Variants in NBPF9 observed in about 807,000 individuals in gnomAD.
NBPF9 encodes the protein NBPF family member NBPF9.
Under a neutral mutation model 97.8 loss-of-function variants are expected in NBPF9, and 91 were observed. The ratio of observed to expected loss-of-function variants is 0.93; its 90% CI spans 0.79 to 1.11. The LOEUF is 1.11. NBPF9 is among the 50% of genes least tolerant of loss of function. The pLI is 0.00. For synonymous variants in NBPF9, 334 were observed against 359.5 expected (o/e 0.93, Z 0.80); for missense variants, 992 against 939.5 (o/e 1.06, Z -0.73).
chr1:149,082,131 T>C, exon 7 of NBPF9: 4 of 1,611,984 alleles, frequency 2.5e-6, no homozygotes, highest in South Asian at 1.1e-5. Context: ...GGCCGGCTGA[T>C]ACCACCATGC....
At chr1:149,055,273 C>T (rs1344283573) in exon 30 of NBPF9, 3 of 353,438 alleles carry the variant, frequency 8.5e-6, no homozygotes, top group Non-Finnish European at 1.6e-5. Flanking sequence ...TCATTGAAAC[C>T]AGGGTAACAC....
chr1:149,070,722 G>A (rs1232617841), intron 16 of NBPF9, among the ~76,000 whole-genome samples: 30 of 152,076 alleles, frequency 2.0e-4, no homozygotes, highest in Non-Finnish European at 7.4e-5. Flanking sequence ...CTATGAGATT[G>A]TCACACTTGC....
chr1:149,075,471 A>G (rs1286567374), intron 12 of NBPF9, among the ~76,000 whole-genome samples, 184 bp downstream of exon 12: 2 of 152,200 alleles, frequency 1.3e-5, no homozygotes, highest in African/African-American at 4.8e-5. Context: ...GCAAACATGG[A>G]AAGTTGCTAA....
intron 5 of NBPF9, among the ~76,000 whole-genome samples, chr1:149,084,329 CAT>C (rs1207999799): frequency 1.4e-4 from 20 of 145,782 alleles, no homozygotes; most frequent in African/African-American, 3.5e-4. Context: ...TATACACACA[CAT>C]GAATATATAT....
In NBPF9 at chr1:149,072,702, C is replaced by A; in HGVS notation, c.1306+16G>T. ...AGCCTGGGGTTTTGGGTCAACAGGG[C>A]CTATGGCCACCTTACCTGGGCTGAG... On this transcript the variant is annotated intron_variant, in intron 14 of 29. Coordinates refer to ENST00000584027, the Ensembl canonical transcript of NBPF9. 6.2e-7 allele frequency: 1 copy of A among 1,611,650 alleles called. No homozygotes were observed. The highest frequency in any genetic ancestry group is 1.1e-5 in the South Asian group (1 of 90,970).
intron 21 of NBPF9, 101 bp downstream of exon 21, chr1:149,062,761 C>T: frequency 2.6e-6 from 2 of 775,494 alleles, no homozygotes; most frequent in South Asian, 1.3e-5. Context: ...GTAATTCAAC[C>T]TCCGTTGAAA....
At chr1:149,095,247 A>G (rs1444497694) in intron 4 of NBPF9, among the ~76,000 whole-genome samples, 1 of 151,274 alleles carries the variant, frequency 6.6e-6, no homozygotes, top group Non-Finnish European at 1.5e-5. Flanking sequence ...TAGTGGTGCT[A>G]GAACAGCTGG....
chr1:149,082,714 TTTC>T (rs2080589137), intron 5 of NBPF9, among the ~76,000 whole-genome samples: 1 of 146,646 alleles, frequency 6.8e-6, no homozygotes, highest in Non-Finnish European at 1.5e-5. Context: ...CAGGTTATAT[TTTC>T]TTAATGGTAG....
chr1:149,103,112 G>GCGGCAA (rs1420976372), intron 1 of NBPF9, among the ~76,000 whole-genome samples, 189 bp downstream of exon 1: 8 of 152,066 alleles, frequency 5.3e-5, no homozygotes, highest in Non-Finnish European at 8.8e-5. Context: ...GCGGGCGGCA[G>GCGGCAA]CGGCAAGCGA....
chr1:149,075,676 C>T (rs1332476645), exon 12 of NBPF9: 5 of 1,610,108 alleles, frequency 3.1e-6, no homozygotes, highest in Non-Finnish European at 4.2e-6. Flanking sequence ...TGCTGGTTGG[C>T]CAGGAAGCCG....
At chr1:149,097,018 G>A (rs2081810413) in intron 4 of NBPF9, among the ~76,000 whole-genome samples, 2 of 144,220 alleles carry the variant, frequency 1.4e-5, no homozygotes, top group Non-Finnish European at 3.0e-5. Context: ...GAGAGACAAA[G>A]AAAAAGAAAA....
chr1:149,077,805 A>T, intron 10 of NBPF9, 78 bp downstream of exon 10: 1 of 1,583,370 alleles, frequency 6.3e-7, no homozygotes, highest in South Asian at 1.1e-5. Flanking sequence ...GGCCCACCAT[A>T]GATGCCAGAG....
rs1186454037 is a variant in NBPF9 at position 149,059,254 on chromosome 1, C to A, written c.2586-157G>T. On this transcript the variant is annotated intron_variant, in intron 25 of 29. Transcript: ENST00000584027. Reference sequence around the variant, plus strand: ...TTATTGCCTTTAGGTTGGGATAGACCAGGGCCAGGTAGAAAAGAATGAAAG... The same window carrying A: ...TTATTGCCTTTAGGTTGGGATAGACAAGGGCCAGGTAGAAAAGAATGAAAG... 9 of 462,308 alleles carry A rather than the reference C, an allele frequency of 1.9e-5. 3 individuals carry two copies. The highest frequency in any genetic ancestry group is 3.6e-5 in the Non-Finnish European group (9 of 250,922). The allele number at this position is 462,308 out of a possible 1,614,324, so 28.6% of individuals were successfully genotyped here. A position where few individuals can be genotyped will look rare whatever the true frequency, so the allele number is the denominator to read the frequency against.
exon 30 of NBPF9, chr1:149,055,825 G>T (rs587618048): frequency 6.2e-7 from 1 of 1,606,282 alleles, no homozygotes; most frequent in Non-Finnish European, 8.5e-7. Flanking sequence ...GTACATTGAC[G>T]GAGTAGAATA....
At position 149,062,851 on chromosome 1, in the gene NBPF9, C is replaced by T. The variant is rs1553650472; in HGVS notation, c.2078+11G>A. ...ACACAGAATTAAGCATCCATAATTG[C>T]TCAAAGTTACCTGGGGCATGATGGG... On this transcript the variant is annotated intron_variant, in intron 21 of 29. Coordinates refer to ENST00000584027, the Ensembl canonical transcript of NBPF9. 4.5e-6 allele frequency: 3 copies of T among 667,170 alleles called. No individual in the cohort carries two copies. Among genetic ancestry groups the T allele is most frequent in the Non-Finnish European group, 8.0e-6 (3 of 376,220 alleles). 41.3% of individuals were successfully genotyped at this position (667,170 alleles called of 1,614,324 possible).
chr1:149,074,165 G>T (rs2079650538), intron 12 of NBPF9, among the ~76,000 whole-genome samples: 2 of 151,426 alleles, frequency 1.3e-5, no homozygotes, highest in Admixed American at 1.3e-4. Flanking sequence ...GACTCTGAAT[G>T]CGGGGCCACT....
intron 3 of NBPF9, among the ~76,000 whole-genome samples, chr1:149,099,512 G>A (rs868952077): frequency 1.3e-5 from 2 of 152,128 alleles, no homozygotes; most frequent in Non-Finnish European, 2.9e-5. Context: ...GCAAGGTCAA[G>A]TACTGAGAAT....
chr1:149,101,566 G>C (rs1575885646), intron 2 of NBPF9, among the ~76,000 whole-genome samples, 187 bp from the exon 3 acceptor site: 2 of 152,186 alleles, frequency 1.3e-5, no homozygotes, highest in African/African-American at 2.4e-5. Flanking sequence ...ATGAAAACTG[G>C]ATAAAAAGAT....
chr1:149,070,862 T>C (rs1575836232), intron 16 of NBPF9, 72 bp downstream of exon 16: 1 of 1,284,326 alleles, frequency 7.8e-7, no homozygotes, highest in Non-Finnish European at 1.1e-6. Flanking sequence ...TTTGTGTTTA[T>C]AGAGCCTGTC....
Sources: allele counts gnomAD v4.1 joint callset (sites outside exome capture counted in the v4.1 genomes callset), GRCh38; gene constraint gnomAD v4.1.1; transcripts MANE v1.5; gene names NCBI Gene and HGNC (gene_info 2026-07-23, HGNC 2026-07-21).